The following CLDND1 variants were observed in gnomAD, a reference collection of about 807,000 sequenced individuals.
CLDND1 encodes the protein claudin domain containing 1.
A neutral mutation model predicts 26.3 loss-of-function variants in CLDND1; 13 were observed. That is an observed-to-expected ratio of 0.49 (90% CI 0.32 to 0.78). CLDND1 has a LOEUF of 0.78. Ranked by LOEUF, CLDND1 falls within the 30% of genes least tolerant of loss-of-function variation. The probability of loss-of-function intolerance (pLI) is 0.03; values close to 1 mark genes in which losing one functional copy is unlikely to be tolerated. For missense variants in CLDND1, 289 were observed against 312.8 expected (o/e 0.92, Z 0.57); for synonymous variants, 107 against 107.0 (o/e 1.00, Z 0.00).
At chr3:98,517,300 G>T in intron 3 of CLDND1, 111 bp from the exon 4 acceptor site, 2 of 1,286,198 alleles carry the variant, frequency 1.6e-6, no homozygotes, top group Non-Finnish European at 2.1e-6. Context: ...AAGTGTGAAA[G>T]TATTTTAACA....
At position 98,515,975 on chromosome 3, in the gene CLDND1, G is replaced by A. The variant is rs139437845; in HGVS notation, c.*684C>T. 54 of 1,200,376 alleles carry A rather than the reference G, an allele frequency of 4.5e-5. No homozygotes were observed. The highest frequency in any genetic ancestry group is 4.4e-4 in the African/African-American group (28 of 62,938). The allele number at this position is 1,200,376 out of a possible 1,614,324, so 74.4% of individuals were successfully genotyped here. A position where few individuals can be genotyped will look rare whatever the true frequency, so the allele number is the denominator to read the frequency against. ...AATTTGGTGGTACTGAAAATCTTAC[G>A]GAGAGTTAAAAATAATACTAATCCT... On this transcript the variant is annotated 3_prime_UTR_variant, in exon 5 of 5. Transcript: ENST00000341181.
chr3:98,516,521 T>C lies in CLDND1; in HGVS notation c.*138A>G. 2 of 1,418,222 alleles carry C rather than the reference T, an allele frequency of 1.4e-6. No individual in the cohort carries two copies. Among genetic ancestry groups the C allele is most frequent in the South Asian group, 1.6e-5 (1 of 63,752 alleles). The allele number at this position is 1,418,222 out of a possible 1,614,324, so 87.9% of individuals were successfully genotyped here. A position where few individuals can be genotyped will look rare whatever the true frequency, so the allele number is the denominator to read the frequency against. ...TATTAAGTGTGTATTTAGTGGTGAATGTGTATAAATAAAATAGATTTTCAT... is the reference window on the plus strand; with the variant it reads ...TATTAAGTGTGTATTTAGTGGTGAACGTGTATAAATAAAATAGATTTTCAT... On this transcript the variant is annotated 3_prime_UTR_variant, in exon 5 of 5. Transcript: ENST00000341181.
Position 98,521,379 on chromosome 3 carries a change from T to A in CLDND1, c.46A>T (p.Ser16Cys). 1 of 1,614,192 alleles carries A rather than the reference T, an allele frequency of 6.2e-7. No homozygotes were observed. The highest frequency in any genetic ancestry group is 8.5e-7 in the Non-Finnish European group (1 of 1,180,028). ...GCCATGTAGATGGTGGAAATGAGGCTAAGCACACAAGCAATTACAAATGCT... is the reference window on the plus strand; with the variant it reads ...GCCATGTAGATGGTGGAAATGAGGCAAAGCACACAAGCAATTACAAATGCT... ...ATAFVIACVL[S>C]LISTIYMAAS... Residue 16 changes from serine (S) to cysteine (C), a missense_variant, in exon 2 of 5, where the codon AGC becomes TGC. Coordinates refer to ENST00000341181, the MANE Select transcript of CLDND1 (RefSeq NM_001040181.2).
At chr3:98,517,345 G>T in intron 3 of CLDND1, 156 bp from the exon 4 acceptor site, 1 of 811,436 alleles carries the variant, frequency 1.2e-6, no homozygotes, top group Non-Finnish European at 1.9e-6. Context: ...TTATTCAAAA[G>T]GATGCTACTC....
At position 98,515,576 on chromosome 3, in the gene CLDND1, C is replaced by A; in HGVS notation, c.*1083G>T. 2.0e-6 allele frequency: 2 copies of A among 988,780 alleles called. No individual in the cohort carries two copies. The highest frequency in any genetic ancestry group is 1.3e-6 in the Non-Finnish European group (1 of 794,150). 61.3% of individuals were successfully genotyped at this position (988,780 alleles called of 1,614,324 possible). Reference sequence around the variant, plus strand: ...CATTTTTTTAATCTGTCAATTGCTACAGTAGTGGAATAAATAAATAAGTTT... The same window carrying A: ...CATTTTTTTAATCTGTCAATTGCTAAAGTAGTGGAATAAATAAATAAGTTT... On this transcript the variant is annotated 3_prime_UTR_variant, in exon 5 of 5. Coordinates refer to ENST00000341181, the MANE Select transcript of CLDND1 (RefSeq NM_001040181.2).
chr3:98,517,099 C>T lies in CLDND1; in HGVS notation c.494G>A (p.Arg165Gln), dbSNP rs142343871. The T allele has an allele frequency of 8.1e-6, 13 of 1,613,954 alleles. No individual in the cohort carries two copies. The highest frequency in any genetic ancestry group is 3.3e-5 in the South Asian group (3 of 91,088). ...ALIGLCACIC[R>Q]SLYPTIATGI... The stretch of plus-strand genomic sequence containing the variant: ...CGTGGCAATGGTGGGATATAAGCTT[C>T]GGCAAATGCAAGCACAAAGTCCGAT... The change falls in exon 4 of 5, where the codon CGA becomes CAA. Residue 165 changes from arginine to glutamine, a missense_variant. Arg to Gln is a conservative substitution (Grantham distance 43). Transcript: ENST00000341181.
chr3:98,516,912 A>G (rs1429690202), intron 4 of CLDND1, 33 bp from the exon 5 acceptor site: 15 of 1,612,794 alleles, frequency 9.3e-6, no homozygotes, highest in Non-Finnish European at 1.3e-5. Flanking sequence ...AAAACAAAAC[A>G]TGGCTGGATA....
chr3:98,519,065 C>T, intron 2 of CLDND1, 70 bp from the exon 3 acceptor site: 5 of 906,990 alleles, frequency 5.5e-6, no homozygotes, highest in Non-Finnish European at 8.7e-6. Context: ...AGTAATTATT[C>T]TCTGAAGTAA....
At chr3:98,522,745 C>A in intron 1 of CLDND1, 104 bp downstream of exon 1, 1 of 1,600,282 alleles carries the variant, frequency 6.2e-7, no homozygotes. Context: ...GCTCGGAACC[C>A]GCCCAGCCCG....
At position 98,521,232 on chromosome 3, in the gene CLDND1, T is replaced by G. The variant is rs1706395710; in HGVS notation, c.193A>C (p.Asn65His). The G allele has an allele frequency of 5.6e-6, 9 of 1,614,088 alleles. No individual in the cohort carries two copies. Among genetic ancestry groups the G allele is most frequent in the Non-Finnish European group, 7.6e-6 (9 of 1,180,018 alleles). ...CCATTGTATCGAAAAAGTGCATCAT[T>G]ATAAGTCTTTTCATCTGCCTCATCA... ...ISDEADEKTY[N>H]DALFRYNGTV... Residue 65 changes from asparagine (N) to histidine (H), a missense_variant, in exon 2 of 5, where the codon AAT (asparagine) becomes CAT (histidine). Asn to His is a moderately conservative substitution (Grantham distance 68, BLOSUM62 1). Transcript: ENST00000341181.
At chr3:98,519,122 G>C in intron 2 of CLDND1, 127 bp from the exon 3 acceptor site, 1 of 606,168 alleles carries the variant, frequency 1.6e-6, no homozygotes, top group South Asian at 2.0e-5. Flanking sequence ...CTCTGGCCCT[G>C]ACTGACACAC....
chr3:98,515,554 T>G lies in CLDND1; in HGVS notation c.*1105A>C, dbSNP rs1364290092. On this transcript the variant is annotated 3_prime_UTR_variant, in exon 5 of 5. Coordinates refer to ENST00000341181, the MANE Select transcript of CLDND1 (RefSeq NM_001040181.2). Reference sequence around the variant, plus strand: ...ATGGTAAGAAATTATGAAGTTACATTTTTTTAATCTGTCAATTGCTACAGT... The same window carrying G: ...ATGGTAAGAAATTATGAAGTTACATGTTTTTAATCTGTCAATTGCTACAGT... 1 of 921,954 alleles carries G rather than the reference T, an allele frequency of 1.1e-6. No individual in the cohort carries two copies. Among genetic ancestry groups the G allele is most frequent in the Non-Finnish European group, 1.3e-6 (1 of 744,488 alleles). 57.1% of individuals were successfully genotyped at this position (921,954 alleles called of 1,614,324 possible).
Position 98,521,731 on chromosome 3 carries a change from T to G in CLDND1, c.-18-289A>C, listed in dbSNP as rs768855916. On this transcript the variant is annotated intron_variant, in intron 1 of 4. Transcript: ENST00000341181. Reference sequence around the variant, plus strand: ...AAAACAGACAACACTGAAATGGACATACACATTACAGATACAAACAATAGA... The same window carrying G: ...AAAACAGACAACACTGAAATGGACAGACACATTACAGATACAAACAATAGA... 4 of 1,592,486 alleles carry G rather than the reference T, an allele frequency of 2.5e-6. No individual in the cohort carries two copies. The South Asian group carries it at 4.4e-5, about 18-fold the overall frequency.
intron 1 of CLDND1, 121 bp from the exon 2 acceptor site, chr3:98,521,563 T>G: frequency 6.8e-7 from 1 of 1,479,280 alleles, no homozygotes; most frequent in Non-Finnish European, 9.4e-7. Flanking sequence ...ATATAACCAT[T>G]AAGAATTTTT....
In CLDND1 at chr3:98,516,325, T is replaced by C; in HGVS notation, c.*334A>G. ...TTGAACAGATACAGTTACTTTAGTT[T>C]TACTGAAAAGTCTAACAGACATTAG... On this transcript the variant is annotated 3_prime_UTR_variant, in exon 5 of 5. Transcript: ENST00000341181. The C allele has an allele frequency of 1.9e-6, 2 of 1,070,466 alleles. No individual in the cohort carries two copies. Among genetic ancestry groups the C allele is most frequent in the Non-Finnish European group, 2.3e-6 (2 of 883,350 alleles). The allele number at this position is 1,070,466 out of a possible 1,614,324, so 66.3% of individuals were successfully genotyped here. A position where few individuals can be genotyped will look rare whatever the true frequency, so the allele number is the denominator to read the frequency against.
intron 3 of CLDND1, among the ~76,000 whole-genome samples, chr3:98,518,441 T>C (rs1299471829): frequency 6.6e-6 from 1 of 152,202 alleles, no homozygotes; most frequent in Non-Finnish European, 1.5e-5. Flanking sequence ...TACCCTTTTG[T>C]TACTATCACC....
At chr3:98,522,764 C>A (rs1455357720) in intron 1 of CLDND1, 85 bp downstream of exon 1, 1 of 1,609,796 alleles carries the variant, frequency 6.2e-7, no homozygotes, top group Non-Finnish European at 8.5e-7. Flanking sequence ...CGACCACGCC[C>A]GGGAAGGGGG....
intron 2 of CLDND1, among the ~76,000 whole-genome samples, 183 bp from the exon 3 acceptor site, chr3:98,519,178 G>A (rs1057284065): frequency 6.6e-6 from 1 of 152,210 alleles, no homozygotes; most frequent in Admixed American, 6.5e-5. Flanking sequence ...TCAGTGGCAG[G>A]CTGAAGACAT....
chr3:98,522,712 C>T, intron 1 of CLDND1, 137 bp downstream of exon 1: 10 of 1,538,096 alleles, frequency 6.5e-6, no homozygotes, highest in Non-Finnish European at 8.7e-6. Flanking sequence ...CCCTAGAGGG[C>T]TCGGCCCTGG....
Sources: allele counts gnomAD v4.1 joint callset (sites outside exome capture counted in the v4.1 genomes callset), GRCh38; gene constraint gnomAD v4.1.1; transcripts MANE v1.5; gene names NCBI Gene and HGNC (gene_info 2026-07-23, HGNC 2026-07-21).